DTWD2: variants seen among roughly 807,000 people sequenced by gnomAD.
The protein encoded by DTWD2 is DTW motif tRNA-uridine aminocarboxypropyltransferase 2, also known as tRNA-uridine aminocarboxypropyltransferase 2.
Under a neutral mutation model 31.8 loss-of-function variants are expected in DTWD2, and 39 were observed. The ratio of observed to expected loss-of-function variants is 1.22; its 90% CI spans 0.95 to 1.60. DTWD2 has a LOEUF of 1.60. DTWD2 is among the 40% of genes most tolerant of loss of function. The probability of loss-of-function intolerance (pLI) is 0.00; values close to 1 mark genes in which losing one functional copy is unlikely to be tolerated. For missense variants in DTWD2, 515 were observed against 381.5 expected, an observed-to-expected ratio of 1.35 and a Z score of -2.92; for synonymous variants, 180 against 142.8, an observed-to-expected ratio of 1.26 and a Z score of -1.86.
chr5:118,842,007 T>G (rs1484799868), intron 5 of DTWD2, among the ~76,000 whole-genome samples: 2 of 152,160 alleles, frequency 1.3e-5, no homozygotes, highest in Non-Finnish European at 2.9e-5. Context: ...AAACCCCACA[T>G]GAATTAACAA....
At position 118,850,477 on chromosome 5, in the gene DTWD2, C is replaced by CAAAAAAAAAA. The variant is rs34808087; in HGVS notation, c.598-2269_598-2260dup. On this transcript the variant is annotated intron_variant, in intron 4 of 5. Coordinates refer to ENST00000510708, the MANE Select transcript of DTWD2 (RefSeq NM_173666.4). ...TGGGTGACAGAGCCAGACCCCACCA[C>CAAAAAAAAAA]AAAAAAAAAAAAAAAAAAAAAAAAA... 3.3e-4 allele frequency among the ~76,000 whole-genome samples: 10 copies of CAAAAAAAAAA among 30,474 alleles called. 1 individual carries two copies. Among genetic ancestry groups the CAAAAAAAAAA allele is most frequent in the African/African-American group, 4.0e-4 (4 of 10,026 alleles). The allele number at this position is 30,474 out of a possible 152,430, so 20.0% of individuals were successfully genotyped here.
chr5:118,973,913 A>G, intron 1 of DTWD2: 1 of 1,603,434 alleles, frequency 6.2e-7, no homozygotes, highest in Admixed American at 1.7e-5. Context: ...CGGGAATGCT[A>G]ATGAGGAAAA....
chr5:118,852,696 G>C (rs1467670974), intron 4 of DTWD2, among the ~76,000 whole-genome samples: 2 of 147,180 alleles, frequency 1.4e-5, no homozygotes, highest in Admixed American at 1.4e-4. Context: ...ACTATCAATT[G>C]ACCCAGAAAT....
At chr5:118,863,822 T>C (rs964499402) in intron 4 of DTWD2, among the ~76,000 whole-genome samples, 4 of 152,062 alleles carry the variant, frequency 2.6e-5, no homozygotes, top group Admixed American at 6.6e-5. Flanking sequence ...TATATAATAG[T>C]TCCTGTGTCC....
chr5:118,931,198 G>C (rs904548615), intron 3 of DTWD2, among the ~76,000 whole-genome samples: 3 of 151,966 alleles, frequency 2.0e-5, no homozygotes, highest in Non-Finnish European at 2.9e-5. Flanking sequence ...TTCAACATCA[G>C]CCTAGGCAAC....
At chr5:118,885,269 C>T (rs1348267165) in intron 4 of DTWD2, among the ~76,000 whole-genome samples, 2 of 151,312 alleles carry the variant, frequency 1.3e-5, no homozygotes. Flanking sequence ...CTGGCCAACA[C>T]AGTGAAACCC....
At chr5:118,928,243 T>G (rs73239065) in intron 4 of DTWD2, among the ~76,000 whole-genome samples, 31,594 of 151,874 alleles carry the variant, frequency 0.21, 5,412 homozygotes, top group African/African-American at 0.48. Context: ...ATCCTTAGAC[T>G]TCTCTGATTA....
intron 4 of DTWD2, among the ~76,000 whole-genome samples, chr5:118,905,558 C>T (rs57269254): frequency 0.037 from 5,607 of 152,148 alleles, 355 homozygotes; most frequent in African/African-American, 0.13. Flanking sequence ...TTTCTCAAGC[C>T]ATCTGGATTC....
At chr5:118,912,451 A>G (rs2149571280) in intron 4 of DTWD2, among the ~76,000 whole-genome samples, 1 of 152,164 alleles carries the variant, frequency 6.6e-6, no homozygotes, top group East Asian at 1.9e-4. Context: ...ATCCCTACAA[A>G]CCTATCTTGA....
chr5:118,976,716 A>G (rs2084460), intron 1 of DTWD2, among the ~76,000 whole-genome samples: 23,351 of 152,178 alleles, frequency 0.15, 1,930 homozygotes, highest in Middle Eastern at 0.23. Flanking sequence ...CCAACCAAAA[A>G]CAGCTCAGAA....
At chr5:118,895,872 C>T (rs1308678934) in intron 4 of DTWD2, among the ~76,000 whole-genome samples, 1 of 152,138 alleles carries the variant, frequency 6.6e-6, no homozygotes, top group Non-Finnish European at 1.5e-5. Context: ...GCCTCAGTTC[C>T]TCATATAACA....
chr5:118,867,627 T>C (rs1752406300), intron 4 of DTWD2, among the ~76,000 whole-genome samples: 1 of 152,204 alleles, frequency 6.6e-6, no homozygotes, highest in South Asian at 2.1e-4. Context: ...TATGGTTAAA[T>C]CAGGTTGTCG....
intron 4 of DTWD2, among the ~76,000 whole-genome samples, chr5:118,860,629 A>G (rs924146730): frequency 1.3e-5 from 2 of 152,170 alleles, no homozygotes; most frequent in African/African-American, 4.8e-5. Context: ...GCATTCCTAC[A>G]AACAATACAT....
At chr5:118,841,186 A>G in intron 5 of DTWD2, 99 bp from the exon 6 acceptor site, 1 of 1,376,150 alleles carries the variant, frequency 7.3e-7, no homozygotes, top group Non-Finnish European at 9.8e-7. Context: ...TGTTTCTTTT[A>G]TTATGATTGG....
rs200099698 is a variant in DTWD2, at chr5:118,848,175, A to G, written c.641T>C (p.Met214Thr). 1.2e-6 allele frequency: 2 copies of G among 1,607,030 alleles called. No homozygotes were observed. Among genetic ancestry groups the G allele is most frequent in the Middle Eastern group, 1.7e-4 (1 of 6,046 alleles). Reference sequence around the variant, plus strand: ...AGAAAGGCATCTATTAGTCGGCTGCATCCGAATTACATACTGACTAGAAAT... The same window carrying G: ...AGAAAGGCATCTATTAGTCGGCTGCGTCCGAATTACATACTGACTAGAAAT... ...TSISSQYVIRMQPTNRCLSTL... is the reference protein window; with the variant it reads ...TSISSQYVIRTQPTNRCLSTL... The change falls in exon 5 of 6, where the codon ATG becomes ACG. Residue 214 changes from methionine (M) to threonine (T), a missense_variant. Coordinates refer to ENST00000510708, the MANE Select transcript of DTWD2 (RefSeq NM_173666.4).
chr5:118,891,612 T>A (rs772192275), intron 4 of DTWD2, among the ~76,000 whole-genome samples: 1 of 152,200 alleles, frequency 6.6e-6, no homozygotes. Flanking sequence ...AGCAGTCTCA[T>A]AACATAGCTC....
At chr5:118,913,019 C>A (rs544280281) in intron 4 of DTWD2, among the ~76,000 whole-genome samples, 4 of 152,132 alleles carry the variant, frequency 2.6e-5, no homozygotes, top group African/African-American at 7.2e-5. Context: ...GGGCTCATTA[C>A]GAAGTGGAAG....
chr5:118,908,007 C>T (rs1392063056), intron 4 of DTWD2, among the ~76,000 whole-genome samples: 7 of 152,202 alleles, frequency 4.6e-5, no homozygotes, highest in South Asian at 2.1e-4. Flanking sequence ...CAAGTGGACA[C>T]ATAAAACTAA....
intron 5 of DTWD2, among the ~76,000 whole-genome samples, chr5:118,843,460 T>C (rs910483368): frequency 1.3e-5 from 2 of 152,006 alleles, no homozygotes; most frequent in African/African-American, 4.8e-5. Flanking sequence ...CTTATGCATG[T>C]TCCCGTAATT....
Sources: gnomAD v4.1 joint callset for allele counts (sites outside exome capture counted in the v4.1 genomes callset) on GRCh38, gnomAD v4.1.1 for gene constraint, MANE v1.5 for transcripts, NCBI Gene and HGNC (gene_info 2026-07-23, HGNC 2026-07-21) for gene names.